The following NELL1 variants were observed in gnomAD, a reference collection of about 807,000 sequenced individuals.
NELL1 encodes the protein neural EGFL like 1.
In NELL1, 76 loss-of-function variants were observed where a neutral mutation model predicts 107.4. The observed-to-expected ratio is 0.71, with a 90% CI of 0.59 to 0.86. NELL1 has a LOEUF of 0.86. NELL1 is among the 40% of genes least tolerant of loss of function. The pLI, the probability that NELL1 is intolerant of heterozygous loss-of-function variation, is 0.00. For synonymous variants in NELL1, 353 were observed against 341.2 expected (o/e 1.03, Z -0.38); for missense variants, 1,024 against 1,005.5 (o/e 1.02, Z -0.25).
chr11:21,196,508 C>T (rs899627167), intron 13 of NELL1, among the ~76,000 whole-genome samples: 1 of 152,058 alleles, frequency 6.6e-6, no homozygotes, highest in African/African-American at 2.4e-5. Flanking sequence ...ATCCTGGGAA[C>T]ACCCCAGGAT....
At chr11:21,384,577 C>T (rs1851694590) in intron 15 of NELL1, among the ~76,000 whole-genome samples, 1 of 151,970 alleles carries the variant, frequency 6.6e-6, no homozygotes, top group Non-Finnish European at 1.5e-5. Context: ...GGTATATCTC[C>T]CAGTGCTATC....
intron 15 of NELL1, among the ~76,000 whole-genome samples, chr11:21,407,694 C>CA (rs1554906331): frequency 2.2e-5 from 3 of 137,254 alleles, no homozygotes; most frequent in African/African-American, 8.0e-5. Flanking sequence ...TCCAAATTAC[C>CA]TTTTTTTTTT....
chr11:20,779,724 T>C (rs1856818517), intron 2 of NELL1, among the ~76,000 whole-genome samples: 1 of 152,224 alleles, frequency 6.6e-6, no homozygotes, highest in Non-Finnish European at 1.5e-5. Context: ...TCTTAATAGA[T>C]GGAATTTGCT....
intron 13 of NELL1, among the ~76,000 whole-genome samples, chr11:21,195,583 AAAAAAG>A (rs1234990618): frequency 2.1e-4 from 30 of 144,848 alleles, no homozygotes; most frequent in Non-Finnish European, 3.2e-4. Flanking sequence ...AAAAAAAAAA[AAAAAAG>A]GGCAGTTAAA....
chr11:21,239,675 CT>C (rs1407300437), intron 14 of NELL1, among the ~76,000 whole-genome samples: 1 of 151,974 alleles, frequency 6.6e-6, no homozygotes, highest in African/African-American at 2.4e-5. Context: ...GGTATCATTA[CT>C]TTTTTCTCCA....
At chr11:21,387,387 C>G (rs1334476706) in intron 15 of NELL1, among the ~76,000 whole-genome samples, 1 of 151,826 alleles carries the variant, frequency 6.6e-6, no homozygotes, top group Non-Finnish European at 1.5e-5. Flanking sequence ...ACCATGAATG[C>G]AGAGATTTTT....
chr11:21,468,102 C>T (rs1854076935), intron 15 of NELL1, among the ~76,000 whole-genome samples: 1 of 152,040 alleles, frequency 6.6e-6, no homozygotes. Flanking sequence ...TTACTAATAT[C>T]TGGCATTTTA....
At chr11:20,762,175 T>C (rs1856435592) in intron 2 of NELL1, among the ~76,000 whole-genome samples, 2 of 152,212 alleles carry the variant, frequency 1.3e-5, no homozygotes, top group Non-Finnish European at 1.5e-5. Flanking sequence ...TCCCTAATTG[T>C]TTAGAAATGT....
chr11:20,899,890 T>A (rs1223803811), intron 5 of NELL1, among the ~76,000 whole-genome samples: 2 of 39,610 alleles, frequency 5.0e-5, no homozygotes, highest in African/African-American at 6.8e-5. Flanking sequence ...ATCGCCAAAA[T>A]GGACTTCAAA....
chr11:21,326,455 C>T (rs986199714), intron 14 of NELL1, among the ~76,000 whole-genome samples: 3 of 151,884 alleles, frequency 2.0e-5, no homozygotes, highest in Admixed American at 6.6e-5. Context: ...TTCATTGTTA[C>T]ACATTTTAAA....
intron 9 of NELL1, among the ~76,000 whole-genome samples, chr11:20,931,915 A>G (rs1246511699): frequency 1.3e-5 from 2 of 151,972 alleles, no homozygotes; most frequent in Non-Finnish European, 2.9e-5. Flanking sequence ...AGGTAGGGCT[A>G]TGACAAAGGC....
At chr11:21,142,830 A>T (rs12361792) in intron 13 of NELL1, among the ~76,000 whole-genome samples, 21,973 of 152,148 alleles carry the variant, frequency 0.14, 1,646 homozygotes, top group Non-Finnish European at 0.17. Context: ...GAATCATGAG[A>T]TAACTAAAAG....
intron 14 of NELL1, among the ~76,000 whole-genome samples, chr11:21,370,160 A>G (rs896392304): frequency 6.6e-6 from 1 of 152,098 alleles, no homozygotes; most frequent in Admixed American, 6.6e-5. Flanking sequence ...GAAGGCTGAC[A>G]GCATAGCACT....
At chr11:21,285,899 C>A (rs1302432068) in intron 14 of NELL1, among the ~76,000 whole-genome samples, 1 of 152,036 alleles carries the variant, frequency 6.6e-6, no homozygotes, top group Non-Finnish European at 1.5e-5. Flanking sequence ...ACTAAAATAA[C>A]TTTATTGGTG....
chr11:21,538,908 A>G (rs576168808), intron 16 of NELL1, among the ~76,000 whole-genome samples: 1 of 152,150 alleles, frequency 6.6e-6, no homozygotes, highest in African/African-American at 2.4e-5. Context: ...TATACTTTGC[A>G]TGGATACTGG....
intron 14 of NELL1, among the ~76,000 whole-genome samples, chr11:21,346,898 T>G (rs543769720): frequency 6.6e-6 from 1 of 152,162 alleles, no homozygotes; most frequent in South Asian, 2.1e-4. Context: ...TTACAGAACC[T>G]CTATAGCCTC....
chr11:20,977,507 A>C (rs1851662937), intron 12 of NELL1, among the ~76,000 whole-genome samples: 1 of 151,298 alleles, frequency 6.6e-6, no homozygotes. Flanking sequence ...CTCATGATCC[A>C]CTCTCCTGGG....
At chr11:20,707,450 T>C (rs541438867) in intron 2 of NELL1, among the ~76,000 whole-genome samples, 227 of 152,316 alleles carry the variant, frequency 1.5e-3, no homozygotes, top group African/African-American at 5.1e-3. Flanking sequence ...GGCGCTCTGA[T>C]TTTGAGAATT....
chr11:21,005,440 TG>T (rs1211088721), intron 12 of NELL1, among the ~76,000 whole-genome samples: 1 of 152,214 alleles, frequency 6.6e-6, no homozygotes, highest in Non-Finnish European at 1.5e-5. Flanking sequence ...GCAGGGTTTT[TG>T]CCAGGGAAGG....
Sources: gnomAD v4.1 joint callset for allele counts (sites outside exome capture counted in the v4.1 genomes callset) on GRCh38, gnomAD v4.1.1 for gene constraint, MANE v1.5 for transcripts, NCBI Gene and HGNC (gene_info 2026-07-23, HGNC 2026-07-21) for gene names.